COL21A1: variants seen among roughly 807,000 people sequenced by gnomAD.
The protein encoded by COL21A1 is collagen type XXI alpha 1 chain, also known as collagen alpha-1(XXI) chain.
COL21A1 carries 149 observed loss-of-function variants against 137.9 expected under a neutral mutation model. That is an observed-to-expected ratio of 1.08 (90% confidence interval 0.95 to 1.24). COL21A1 has a LOEUF of 1.24. Among genes scored for constraint, COL21A1 ranks in the 50% most tolerant of loss-of-function variants. COL21A1 has a pLI of 0.00. For synonymous variants in COL21A1, 456 were observed against 391.5 expected, an observed-to-expected ratio of 1.16 and a Z score of -1.95; for missense variants, 1,167 against 1,158.4, an observed-to-expected ratio of 1.01 and a Z score of -0.11.
At chr6:56,238,408 CT>C (rs1179096858) in intron 1 of COL21A1, among the ~76,000 whole-genome samples, 7 of 143,540 alleles carry the variant, frequency 4.9e-5, no homozygotes, top group African/African-American at 1.8e-4. Flanking sequence ...GCAGTGGATG[CT>C]GAAACTCGGG....
rs551406544 is a variant in COL21A1, at chr6:56,126,923, G to T, written c.1543-774C>A. On this transcript the variant is annotated intron_variant, in intron 12 of 29. Transcript: ENST00000244728. The stretch of plus-strand genomic sequence containing the variant: ...AGACATATTAAAGATTATATCATCT[G>T]TGACTGATATAATTTTTATAAAAGT... 1.4e-4 allele frequency among the ~76,000 whole-genome samples: 21 copies of T among 152,174 alleles called. No homozygotes were observed. In the East Asian group the frequency reaches 4.1e-3, roughly 29 times the overall value.
At chr6:56,218,829 A>G (rs1405786764) in intron 1 of COL21A1, among the ~76,000 whole-genome samples, 1 of 152,092 alleles carries the variant, frequency 6.6e-6, no homozygotes, top group Non-Finnish European at 1.5e-5. Flanking sequence ...AGGAGACAAG[A>G]GCCTTGAAGA....
intron 1 of COL21A1, among the ~76,000 whole-genome samples, chr6:56,374,840 ATCCC>A (rs765829390): frequency 6.6e-6 from 1 of 152,128 alleles, no homozygotes; most frequent in African/African-American, 2.4e-5. Flanking sequence ...TCTAAACAAA[ATCCC>A]TCCCTCCCTC....
At chr6:56,068,766 AC>A (rs1253781259) in intron 22 of COL21A1, 1 of 220,110 alleles carries the variant, frequency 4.5e-6, no homozygotes, top group Non-Finnish European at 8.8e-6. Context: ...TGTGAAAAAA[AC>A]CTGAATTTAC....
At chr6:56,128,116 G>A (rs1426795366) in intron 12 of COL21A1, among the ~76,000 whole-genome samples, 1 of 152,100 alleles carries the variant, frequency 6.6e-6, no homozygotes, top group Non-Finnish European at 1.5e-5. Context: ...ATGGGATTGG[G>A]GTAGATTGTT....
intron 1 of COL21A1, among the ~76,000 whole-genome samples, chr6:56,312,586 T>G (rs1764637086): frequency 6.6e-6 from 1 of 152,144 alleles, no homozygotes; most frequent in African/African-American, 2.4e-5. Flanking sequence ...ACTTAGATAC[T>G]TAGCTCACAA....
chr6:56,112,973 G>A (rs774094627), intron 16 of COL21A1, among the ~76,000 whole-genome samples: 5 of 152,084 alleles, frequency 3.3e-5, no homozygotes, highest in South Asian at 2.1e-4. Context: ...CATGAGTCAC[G>A]GCGCTAGGCC....
chr6:56,390,218 T>A (rs1027911907), intron 1 of COL21A1, among the ~76,000 whole-genome samples: 3 of 152,042 alleles, frequency 2.0e-5, no homozygotes, highest in African/African-American at 7.3e-5. Flanking sequence ...TTTTCTCTGC[T>A]ATGTGTTTGT....
At chr6:56,109,633 T>A (rs1771241498) in intron 16 of COL21A1, among the ~76,000 whole-genome samples, 1 of 151,886 alleles carries the variant, frequency 6.6e-6, no homozygotes, top group South Asian at 2.1e-4. Context: ...TGATTTCAAT[T>A]GTAAAGTATC....
rs1347335552 is a variant in COL21A1 at position 56,057,963 on chromosome 6, C to T, written c.2687-119G>A. The T allele has an allele frequency of 6.0e-6, 4 of 666,816 alleles. No homozygotes were observed. The Admixed American group carries it at 1.1e-4, about 19-fold the overall frequency. 41.3% of individuals were successfully genotyped at this position (666,816 alleles called of 1,614,324 possible). ...ACCTTGAATATTTTATATATTTGCA[C>T]TAATTATATAGTAGAGGCATTTTCT... On this transcript the variant is annotated intron_variant, in intron 29 of 29. Coordinates refer to ENST00000244728, the MANE Select transcript of COL21A1 (RefSeq NM_030820.4).
At chr6:56,175,124 G>C (rs1398211942) in intron 3 of COL21A1, among the ~76,000 whole-genome samples, 1 of 151,976 alleles carries the variant, frequency 6.6e-6, no homozygotes, top group Non-Finnish European at 1.5e-5. Flanking sequence ...CAACAAGTAA[G>C]GAATAGAAGG....
intron 16 of COL21A1, among the ~76,000 whole-genome samples, chr6:56,112,687 C>CTT (rs779345756): frequency 8.0e-6 from 1 of 124,526 alleles, no homozygotes; most frequent in Non-Finnish European, 1.7e-5. Flanking sequence ...TTTCTTTTTT[C>CTT]TTTTTTTTTT....
At chr6:56,208,618 A>T (rs1779954502) in intron 1 of COL21A1, among the ~76,000 whole-genome samples, 1 of 152,220 alleles carries the variant, frequency 6.6e-6, no homozygotes, top group Non-Finnish European at 1.5e-5. Flanking sequence ...TTATAGATTC[A>T]ATGCTATCCC....
Position 56,058,655 on chromosome 6 carries a change from TAC to T in COL21A1, c.2686+508_2686+509del, listed in dbSNP as rs144178951. Among the ~76,000 whole-genome samples the T allele has an allele frequency of 8.1e-3, 1,238 of 152,318 alleles. 19 individuals are homozygous for T. The highest frequency in any genetic ancestry group is 0.029 in the African/African-American group (1,194 of 41,578). On this transcript the variant is annotated intron_variant, in intron 29 of 29. Coordinates refer to ENST00000244728, the MANE Select transcript of COL21A1 (RefSeq NM_030820.4). ...CTATTAATAACATCTAATCATAGCA[TAC>T]ATTTATTGAAAACATAACTGTGATT...
intron 5 of COL21A1, 87 bp from the exon 6 acceptor site, chr6:56,168,384 T>C (rs561300878): frequency 8.7e-7 from 1 of 1,150,496 alleles, no homozygotes; most frequent in South Asian, 2.4e-5. Flanking sequence ...TTCCTAACCA[T>C]TGCTGAGAAA....
intron 1 of COL21A1, among the ~76,000 whole-genome samples, chr6:56,385,416 T>G (rs936388148): frequency 6.6e-6 from 1 of 152,186 alleles, no homozygotes; most frequent in Non-Finnish European, 1.5e-5. Context: ...CTTTTCCAGC[T>G]TCTAGAGCAT....
At position 56,084,036 on chromosome 6, in the gene COL21A1, G is replaced by A. The variant is rs1768010141; in HGVS notation, c.1813-6463C>T. On this transcript the variant is annotated intron_variant, in intron 17 of 29. Transcript: ENST00000244728. ...GAAAACTCCCAATAATCTAGGAATA[G>A]AACTAATATTTGAAACCAAAGTCTG... 2.6e-5 allele frequency among the ~76,000 whole-genome samples: 4 copies of A among 151,758 alleles called. No individual in the cohort carries two copies. The South Asian group carries it at 8.3e-4, about 32-fold the overall frequency.
Position 56,171,795 on chromosome 6 carries a change from T to G in COL21A1, c.641-667A>C, listed in dbSNP as rs368293073. Among the ~76,000 whole-genome samples the G allele has an allele frequency of 6.0e-4, 91 of 151,896 alleles. 3 individuals carry two copies. In the South Asian group the frequency reaches 0.018, roughly 30 times the overall value. On this transcript the variant is annotated intron_variant, in intron 3 of 29. Coordinates refer to ENST00000244728, the MANE Select transcript of COL21A1 (RefSeq NM_030820.4). ...ATCATACTTATAAAGAATATTTTCT[T>G]AAGAATAATCATTAGCATTACATAG...
intron 17 of COL21A1, among the ~76,000 whole-genome samples, chr6:56,095,646 T>G (rs957547628): frequency 6.6e-5 from 10 of 152,266 alleles, no homozygotes; most frequent in African/African-American, 2.2e-4. Flanking sequence ...CTACTGTCAG[T>G]TCTTCTCAGA....
Sources: gnomAD v4.1 joint callset for allele counts (sites outside exome capture counted in the v4.1 genomes callset) on GRCh38, gnomAD v4.1.1 for gene constraint, MANE v1.5 for transcripts, NCBI Gene and HGNC (gene_info 2026-07-23, HGNC 2026-07-21) for gene names.